The following CFAP221 variants were observed in gnomAD, a reference collection of about 807,000 sequenced individuals.
CFAP221 encodes cilia- and flagella-associated protein 221.
CFAP221 carries 97 observed loss-of-function variants against 113.1 expected under a neutral mutation model. The observed-to-expected ratio is 0.86, with a 90% CI of 0.73 to 1.02. The LOEUF is 1.02. CFAP221 is among the 50% of genes least tolerant of loss of function. The pLI is 0.00. For missense variants in CFAP221, 1,025 were observed against 1,013.4 expected, an observed-to-expected ratio of 1.01 and a Z score of -0.16; for synonymous variants, 331 against 354.4, an observed-to-expected ratio of 0.93 and a Z score of 0.74.
intron 3 of CFAP221, chr2:119,555,994 T>C (rs1680763818): frequency 6.6e-6 from 1 of 152,246 alleles, no homozygotes; most frequent in Non-Finnish European, 1.5e-5. Context: ...AAATAAGCTG[T>C]TCATTTTTGC....
Position 119,639,813 on chromosome 2 carries a change from C to T in CFAP221, c.2166C>T (p.Ser722=), listed in dbSNP as rs1268468494. 1.9e-6 allele frequency: 3 copies of T among 1,614,158 alleles called. No individual in the cohort carries two copies. Among genetic ancestry groups the T allele is most frequent in the East Asian group, 2.2e-5 (1 of 44,884 alleles). Reference sequence around the variant, plus strand: ...TTCCCGGAATAATGCACTGGAAAAGCTTCCAGTCCCTGGTTCTCTCCTCCC... The same window carrying T: ...TTCCCGGAATAATGCACTGGAAAAGTTTCCAGTCCCTGGTTCTCTCCTCCC... ...DIIPGIMHWK[S]FQSLVLSSLP... Residue 722 remains serine (S), a synonymous_variant, in exon 21 of 24, where the codon AGC becomes AGT. Transcript: ENST00000413369.
chr2:119,649,914 G>T (rs1477655960), intron 22 of CFAP221, among the ~76,000 whole-genome samples: 2 of 152,146 alleles, frequency 1.3e-5, no homozygotes, highest in African/African-American at 4.8e-5. Context: ...TAGCTCCATT[G>T]TTCAAAAATG....
At chr2:119,628,532 G>C (rs1276303445) in intron 16 of CFAP221, among the ~76,000 whole-genome samples, 1 of 152,124 alleles carries the variant, frequency 6.6e-6, no homozygotes, top group Non-Finnish European at 1.5e-5. Flanking sequence ...TTTCAAATGA[G>C]GAAACTGAAG....
rs149595409 is a variant in CFAP221, at chr2:119,592,160, T to C, written c.631+4938T>C. 3.1e-3 allele frequency among the ~76,000 whole-genome samples: 469 copies of C among 152,206 alleles called. 4 individuals are homozygous for C. Among genetic ancestry groups the C allele is most frequent in the African/African-American group, 0.01 (433 of 41,518 alleles). ...AGGAGAAAGAGGGAGGCTGGAGGCA[T>C]ACGATGATGCAGAGACACGGAAAAC... On this transcript the variant is annotated intron_variant, in intron 7 of 23. Transcript: ENST00000413369.
At chr2:119,590,474 TG>T (rs1158995116) in intron 7 of CFAP221, among the ~76,000 whole-genome samples, 2 of 152,282 alleles carry the variant, frequency 1.3e-5, no homozygotes, top group East Asian at 3.9e-4. Context: ...GTACCCTGCC[TG>T]TTGAGGTTCA....
At chr2:119,563,404 C>A (rs1306229990) in intron 6 of CFAP221, among the ~76,000 whole-genome samples, 1 of 152,122 alleles carries the variant, frequency 6.6e-6, no homozygotes, top group East Asian at 1.9e-4. Context: ...GGATATGGAA[C>A]CCTCAAATGC....
At chr2:119,623,348 T>C (rs1165582779) in intron 14 of CFAP221, among the ~76,000 whole-genome samples, 3 of 152,156 alleles carry the variant, frequency 2.0e-5, no homozygotes. Context: ...TACAAACCAC[T>C]GCTCAAGGAA....
intron 1 of CFAP221, 70 bp downstream of exon 1, chr2:119,544,580 G>T (rs1388649244): frequency 6.6e-6 from 1 of 152,272 alleles, no homozygotes; most frequent in Non-Finnish European, 1.5e-5. Context: ...CCTAGCTGCT[G>T]AGGCGACCGA....
intron 2 of CFAP221, 60 bp downstream of exon 2, chr2:119,546,330 C>T: frequency 6.7e-7 from 1 of 1,489,344 alleles, no homozygotes; most frequent in Non-Finnish European, 8.9e-7. Flanking sequence ...GAGCCAAAGT[C>T]CAGAGAGCAT....
At chr2:119,612,767 C>A (rs1685265708) in intron 13 of CFAP221, among the ~76,000 whole-genome samples, 1 of 152,128 alleles carries the variant, frequency 6.6e-6, no homozygotes, top group Admixed American at 6.5e-5. Context: ...ATCATTCCAC[C>A]ACTGGTCCTC....
chr2:119,638,829 T>TCC (rs200973804), intron 20 of CFAP221, among the ~76,000 whole-genome samples: 1 of 151,406 alleles, frequency 6.6e-6, no homozygotes, highest in African/African-American at 2.4e-5. Context: ...AGGAATTACT[T>TCC]CCCCCCCAGG....
rs545909959 is a variant in CFAP221 at position 119,620,525 on chromosome 2, A to G, written c.1410+4816A>G. ...AAGTGAAGGAGAAATAAAATCCTTT[A>G]CAGACAAGCAAATGCTGAGAGATTT... On this transcript the variant is annotated intron_variant, in intron 14 of 23. Coordinates refer to ENST00000413369, the MANE Select transcript of CFAP221 (RefSeq NM_001271049.2). Among the ~76,000 whole-genome samples the G allele has an allele frequency of 1.1e-4, 17 of 152,334 alleles. No individual in the cohort carries two copies. The East Asian group carries it at 3.1e-3, about 28-fold the overall frequency.
At chr2:119,586,888 G>T in intron 6 of CFAP221, 1 of 389,906 alleles carries the variant, frequency 2.6e-6, no homozygotes. Flanking sequence ...CCTCTCTTGT[G>T]CCTCAGTTTC....
chr2:119,567,751 G>GCAGTTAGACTACTGATGTT (rs1355460402), intron 6 of CFAP221, among the ~76,000 whole-genome samples: 2 of 152,162 alleles, frequency 1.3e-5, no homozygotes, highest in African/African-American at 4.8e-5. Context: ...TTTAATTGGT[G>GCAGTTAGACTACTGATGTT]CAGTTAGACT....
chr2:119,608,528 T>C lies in CFAP221; in HGVS notation c.1160T>C (p.Met387Thr). 1 of 1,613,398 alleles carries C rather than the reference T, an allele frequency of 6.2e-7. No homozygotes were observed. The highest frequency in any genetic ancestry group is 1.3e-5 in the African/African-American group (1 of 74,944). ...CAGGTGCACCTTGGTAAAGATCCTA[T>C]GTCTTTTAAACTTAAAAAAGAGCTT... ...KWQVHLGKDP[M>T]SFKLKKELTE... The change falls in exon 12 of 24, where the codon ATG (methionine) becomes ACG (threonine). Residue 387 changes from methionine (M) to threonine (T), a missense_variant. Coordinates refer to ENST00000413369, the MANE Select transcript of CFAP221 (RefSeq NM_001271049.2).
chr2:119,627,786 G>A lies in CFAP221; in HGVS notation c.1650G>A (p.Leu550=), dbSNP rs764150377. 2.0e-5 allele frequency: 33 copies of A among 1,612,936 alleles called. No homozygotes were observed. The highest frequency in any genetic ancestry group is 7.7e-5 in the South Asian group (7 of 90,970). ...DCSPPQDSNE[L]APDGLGLVPI... ...GCCCACCCCAGGACTCCAACGAGTT[G>A]GTAGGTGCCGTCAGGCTTGGGGGCG... is the stretch of plus-strand genomic sequence containing the variant. The change falls in exon 16 of 24, where the codon TTG becomes TTA. Residue 550 remains leucine, a splice_region_variant and synonymous_variant. Transcript: ENST00000413369.
In CFAP221 at chr2:119,605,278, T is replaced by G; in HGVS notation, c.1122T>G (p.Asn374Lys). The G allele has an allele frequency of 6.2e-7, 1 of 1,610,962 alleles. No homozygotes were observed. Among genetic ancestry groups the G allele is most frequent in the Non-Finnish European group, 8.5e-7 (1 of 1,177,200 alleles). The change falls in exon 11 of 24, where the codon AAT becomes AAG. Residue 374 changes from asparagine to lysine, a missense_variant. Transcript: ENST00000413369. ...AGGACATTCACGAAGAGATGGAAAA[T>G]CATCTTAAGTGGTAAATATTGAGCA... is the stretch of plus-strand genomic sequence containing the variant. ...VRQDIHEEME[N>K]HLKWQVHLGK... is the part of the protein sequence containing the mutation.
chr2:119,548,050 A>G (rs936021352), intron 2 of CFAP221, among the ~76,000 whole-genome samples: 9 of 152,018 alleles, frequency 5.9e-5, no homozygotes, highest in East Asian at 3.9e-4. Context: ...TGCAGTCTCA[A>G]TCTTCTGGGC....
intron 6 of CFAP221, among the ~76,000 whole-genome samples, chr2:119,565,998 G>T (rs1292213194): frequency 6.6e-6 from 1 of 152,206 alleles, no homozygotes; most frequent in Non-Finnish European, 1.5e-5. Flanking sequence ...AGGTTCTGAG[G>T]ATGCAGAGAT....
Sources: allele counts gnomAD v4.1 joint callset (sites outside exome capture counted in the v4.1 genomes callset), GRCh38; gene constraint gnomAD v4.1.1; transcripts MANE v1.5; gene names NCBI Gene and HGNC (gene_info 2026-07-23, HGNC 2026-07-21).